The following HYDIN variants were observed in gnomAD, a reference collection of about 807,000 sequenced individuals.
HYDIN encodes the protein HYDIN axonemal central pair apparatus protein.
A neutral mutation model predicts 403.9 loss-of-function variants in HYDIN; 132 were observed. The observed-to-expected ratio is 0.33, with a 90% confidence interval of 0.28 to 0.38. The LOEUF (loss-of-function observed/expected upper bound fraction) is 0.38, where lower values mean the gene tolerates loss of function less well. Among genes scored for constraint, HYDIN ranks in the 10% least tolerant of loss-of-function variants. The pLI is 1.00. For synonymous variants in HYDIN, 1,202 were observed against 1,891.7 expected (o/e 0.64, Z 9.46); for missense variants, 2,827 against 5,009.5 (o/e 0.56, Z 13.15).
At chr16:71,145,885 C>T (rs997222217) in intron 7 of HYDIN, among the ~76,000 whole-genome samples, 7 of 152,206 alleles carry the variant, frequency 4.6e-5, no homozygotes, top group African/African-American at 1.7e-4. Flanking sequence ...GCTTTAGTTT[C>T]TCTATCTGTA....
chr16:70,905,146 C>T (rs1242731345), intron 50 of HYDIN, among the ~76,000 whole-genome samples: 1 of 152,150 alleles, frequency 6.6e-6, no homozygotes, highest in Admixed American at 6.5e-5. Context: ...GAGAGAATGA[C>T]AGAGACCAAA....
chr16:71,064,846 C>A lies in HYDIN; in HGVS notation c.2076-6G>T, dbSNP rs759861915. 9 of 1,607,232 alleles carry A rather than the reference C, an allele frequency of 5.6e-6. No individual in the cohort carries two copies. The African/African-American group carries it at 9.4e-5, about 17-fold the overall frequency. ...GGAGGGCAGGTACAACACACCTGCTCGGAGGAGCCCATCACACAATTCAAA... is the reference window on the plus strand; with the variant it reads ...GGAGGGCAGGTACAACACACCTGCTAGGAGGAGCCCATCACACAATTCAAA... On this transcript the variant is annotated splice_region_variant and splice_polypyrimidine_tract_variant and intron_variant, in intron 15 of 85. Coordinates refer to ENST00000393567, the MANE Select transcript of HYDIN (RefSeq NM_001270974.2).
At chr16:71,163,006 G>C (rs542008191) in intron 5 of HYDIN, among the ~76,000 whole-genome samples, 1 of 152,178 alleles carries the variant, frequency 6.6e-6, no homozygotes, top group African/African-American at 2.4e-5. Context: ...ATGAAGGTCA[G>C]TGGAAGGCCA....
At chr16:71,054,276 C>A (rs2081783057) in intron 18 of HYDIN, among the ~76,000 whole-genome samples, 1 of 152,292 alleles carries the variant, frequency 6.6e-6, no homozygotes, top group Non-Finnish European at 1.5e-5. Context: ...ATGCACATTT[C>A]TTTCCTTTTT....
chr16:71,047,217 C>G (rs1192985248), intron 18 of HYDIN, among the ~76,000 whole-genome samples: 1 of 151,876 alleles, frequency 6.6e-6, no homozygotes, highest in East Asian at 1.9e-4. Context: ...ACCAAACTCC[C>G]TCCTTTAATT....
At chr16:70,932,557 C>T (rs1050680766) in intron 45 of HYDIN, among the ~76,000 whole-genome samples, 2 of 150,852 alleles carry the variant, frequency 1.3e-5, no homozygotes, top group Non-Finnish European at 2.9e-5. Context: ...GTGATGAGTG[C>T]TAAGAAGACA....
chr16:71,011,608 C>T (rs7204240), intron 23 of HYDIN, among the ~76,000 whole-genome samples: 80,666 of 151,074 alleles, frequency 0.53, 22,132 homozygotes, highest in East Asian at 0.81. Context: ...TATAATGGTG[C>T]ACGCCTGTAG....
At chr16:71,068,671 T>G (rs1362313288) in intron 14 of HYDIN, among the ~76,000 whole-genome samples, 1 of 152,068 alleles carries the variant, frequency 6.6e-6, no homozygotes, top group Non-Finnish European at 1.5e-5. Context: ...GGTGGCACTG[T>G]GAGGCGATAA....
chr16:71,136,944 A>C (rs2084948381), intron 8 of HYDIN, among the ~76,000 whole-genome samples: 1 of 143,204 alleles, frequency 7.0e-6, no homozygotes. Flanking sequence ...TCAACTCAGG[A>C]TGGACATTCT....
At chr16:71,185,867 G>A (rs1424979690) in intron 2 of HYDIN, among the ~76,000 whole-genome samples, 1 of 152,064 alleles carries the variant, frequency 6.6e-6, no homozygotes, top group Non-Finnish European at 1.5e-5. Flanking sequence ...GTTGCCTTGG[G>A]TTAAACACAA....
intron 1 of HYDIN, among the ~76,000 whole-genome samples, chr16:71,214,334 A>T (rs1032991007): frequency 1.3e-5 from 2 of 152,218 alleles, no homozygotes; most frequent in Admixed American, 6.5e-5. Context: ...AACTTCAAAT[A>T]AATCAAAACT....
At chr16:71,010,128 AG>A (rs1180759237) in intron 23 of HYDIN, among the ~76,000 whole-genome samples, 1 of 137,228 alleles carries the variant, frequency 7.3e-6, no homozygotes, top group African/African-American at 2.9e-5. Flanking sequence ...AAGGGGGCTG[AG>A]GGGGCAGAAA....
intron 1 of HYDIN, among the ~76,000 whole-genome samples, chr16:71,202,678 T>C (rs947855538): frequency 2.0e-5 from 3 of 152,230 alleles, no homozygotes; most frequent in African/African-American, 7.2e-5. Context: ...TCTTCTCATA[T>C]GCATATATAA....
At chr16:71,229,268 C>T (rs2041176818) in intron 1 of HYDIN, among the ~76,000 whole-genome samples, 1 of 152,038 alleles carries the variant, frequency 6.6e-6, no homozygotes, top group Admixed American at 6.6e-5. Context: ...AACAAACCTG[C>T]ACGTTGTGCA....
rs201393782 is a variant in HYDIN, at chr16:70,925,797, G to A, written c.7159-4580C>T. ...CAAACAACCCCATCAAAAAGTGGGCGAAGGACATGAATAGACACTTCTCAA... is the reference window on the plus strand; with the variant it reads ...CAAACAACCCCATCAAAAAGTGGGCAAAGGACATGAATAGACACTTCTCAA... On this transcript the variant is annotated intron_variant, in intron 45 of 85. Transcript: ENST00000393567. Among the ~76,000 whole-genome samples the A allele has an allele frequency of 2.8e-4, 42 of 152,168 alleles. 1 individual carries two copies. The highest frequency in any genetic ancestry group is 9.6e-4 in the East Asian group (5 of 5,182).
chr16:71,112,918 T>C (rs2083886582), intron 10 of HYDIN, among the ~76,000 whole-genome samples: 1 of 152,028 alleles, frequency 6.6e-6, no homozygotes, highest in Non-Finnish European at 1.5e-5. Context: ...ATAAACCTCA[T>C]AAGATAAAAT....
rs958634460 is a variant in HYDIN, at chr16:70,807,750, C to T, written c.15196G>A (p.Gly5066Arg). Residue 5066 changes from glycine (G) to arginine (R), a missense_variant, in exon 86 of 86, where the codon GGA becomes AGA. Gly to Arg is a moderately radical substitution (Grantham distance 125). Coordinates refer to ENST00000393567, the MANE Select transcript of HYDIN (RefSeq NM_001270974.2). ...ATCTTCTTGGGCCGCACAGACTCTC[C>T]AGCGCGAATGGTGAAGGCTGGGTTA... Reference protein sequence around the residue: ...VDNPAFTIRAGESVRPKKINN... With the variant: ...VDNPAFTIRARESVRPKKINN... The T allele has an allele frequency of 6.2e-7, 1 of 1,614,178 alleles. No homozygotes were observed. The highest frequency in any genetic ancestry group is 8.5e-7 in the Non-Finnish European group (1 of 1,180,042).
intron 73 of HYDIN, 31 bp downstream of exon 73, chr16:70,855,097 C>G (rs1597132645): frequency 2.1e-6 from 2 of 939,320 alleles, no homozygotes; most frequent in Non-Finnish European, 3.3e-6. Context: ...CAGGAGGATG[C>G]AAACAAAATG....
At chr16:71,063,310 T>C (rs1363929675) in intron 16 of HYDIN, among the ~76,000 whole-genome samples, 1 of 152,250 alleles carries the variant, frequency 6.6e-6, no homozygotes, top group Non-Finnish European at 1.5e-5. Flanking sequence ...TGTGCCGCAG[T>C]GCTCCGCCGA....
Sources: gnomAD v4.1 joint callset for allele counts (sites outside exome capture counted in the v4.1 genomes callset) on GRCh38, gnomAD v4.1.1 for gene constraint, MANE v1.5 for transcripts, NCBI Gene and HGNC (gene_info 2026-07-23, HGNC 2026-07-21) for gene names.